PRKCQ: variants seen among roughly 807,000 people sequenced by gnomAD.
The protein encoded by PRKCQ is protein kinase C theta type.
In PRKCQ, 41 loss-of-function variants were observed where a neutral mutation model predicts 91.2. That is an observed-to-expected ratio of 0.45 (90% CI 0.35 to 0.58). The LOEUF is 0.58. PRKCQ is among the 20% of genes least tolerant of loss of function. The pLI, the probability that PRKCQ is intolerant of heterozygous loss-of-function variation, is 0.00. For synonymous variants in PRKCQ, 307 were observed against 316.9 expected (o/e 0.97, Z 0.33); for missense variants, 673 against 896.5 (o/e 0.75, Z 3.18).
chr10:6,543,351 G>T (rs948411520), intron 1 of PRKCQ, among the ~76,000 whole-genome samples: 1 of 152,192 alleles, frequency 6.6e-6, no homozygotes, highest in Non-Finnish European at 1.5e-5. Flanking sequence ...GCGCAGTCTG[G>T]TCTCTTTCAG....
At chr10:6,418,336 A>C in the PRKCQ span, among the ~76,000 whole-genome samples, 1 of 152,224 alleles carries the variant, frequency 6.6e-6, no homozygotes, top group Non-Finnish European at 1.5e-5. Flanking sequence ...GCTGATAGGC[A>C]GGGCTTAGGA....
chr10:6,512,845 G>GAAT (rs1838551110), intron 2 of PRKCQ, among the ~76,000 whole-genome samples: 1 of 152,096 alleles, frequency 6.6e-6, no homozygotes, highest in Non-Finnish European at 1.5e-5. Flanking sequence ...ACTAAACGTG[G>GAAT]AATAGAAAGG....
chr10:6,559,897 G>A (rs887022757), intron 1 of PRKCQ, among the ~76,000 whole-genome samples: 2 of 152,082 alleles, frequency 1.3e-5, no homozygotes, highest in Non-Finnish European at 2.9e-5. Flanking sequence ...ATTTCGTTAC[G>A]TACACAGAAT....
chr10:6,520,354 G>T (rs1044944418), intron 1 of PRKCQ, among the ~76,000 whole-genome samples: 2 of 151,852 alleles, frequency 1.3e-5, no homozygotes, highest in African/African-American at 2.4e-5. Context: ...CTGCTCCACC[G>T]ATTCTGCACC....
chr10:6,427,342 T>C lies in PRKCQ; in HGVS notation c.*865A>G, dbSNP rs1039386288. 1 of 152,156 alleles carries C rather than the reference T, an allele frequency of 6.6e-6. No individual in the cohort carries two copies. The highest frequency in any genetic ancestry group is 1.5e-5 in the Non-Finnish European group (1 of 68,028). The allele number at this position is 152,156 out of a possible 1,614,324, so 9.4% of individuals were successfully genotyped here. A position where few individuals can be genotyped will look rare whatever the true frequency, so the allele number is the denominator to read the frequency against. On this transcript the variant is annotated 3_prime_UTR_variant, in exon 18 of 18. Coordinates refer to ENST00000263125, the MANE Select transcript of PRKCQ (RefSeq NM_006257.5). ...TGCCTACGGAGGGGCTTATGAGTCA[T>C]GAAATCACCAGTCATGGCACGAGAA...
chr10:6,397,053 G>A, the PRKCQ span, among the ~76,000 whole-genome samples: 2 of 151,954 alleles, frequency 1.3e-5, no homozygotes, highest in Admixed American at 6.5e-5. Flanking sequence ...CTTTGTATGT[G>A]TTTAATGGCC....
intron 11 of PRKCQ, among the ~76,000 whole-genome samples, chr10:6,479,767 T>TAAA (rs34610362): frequency 0.13 from 4,909 of 38,922 alleles, 470 homozygotes; most frequent in East Asian, 0.15. Flanking sequence ...CCGTCTCGAC[T>TAAA]AAAAAAAAAA....
intron 1 of PRKCQ, among the ~76,000 whole-genome samples, chr10:6,563,261 C>G (rs1272002851): frequency 6.6e-6 from 1 of 152,064 alleles, no homozygotes; most frequent in Non-Finnish European, 1.5e-5. Flanking sequence ...TTGCCCAGTG[C>G]CTCTCCTCCT....
intron 4 of PRKCQ, among the ~76,000 whole-genome samples, chr10:6,500,880 AGACGT>A (rs1160656573): frequency 5.3e-5 from 8 of 152,184 alleles, no homozygotes; most frequent in Non-Finnish European, 1.0e-4. Flanking sequence ...CAAGTCAGGG[AGACGT>A]GGCACAGGCA....
intron 7 of PRKCQ, among the ~76,000 whole-genome samples, chr10:6,495,364 AT>A (rs941215872): frequency 1.3e-5 from 2 of 152,064 alleles, no homozygotes; most frequent in African/African-American, 4.8e-5. Context: ...CACTGGTCCC[AT>A]TTCAGTTCCT....
rs2130988152 is a variant in PRKCQ at position 6,576,788 on chromosome 10, G to C, written c.-10+3423C>G. On this transcript the variant is annotated intron_variant, in intron 1 of 17. Transcript: ENST00000263125. This position sits in a 1 kb window ranked among gnomAD's most constrained non-coding sequence, Gnocchi z 4.2. ...GTTTAAAGCAAATGCTTGATGGTTA[G>C]ACTAATCTGGATGGTCCAACTAACC... Among the ~76,000 whole-genome samples the C allele has an allele frequency of 6.6e-6, 1 of 152,282 alleles. No individual in the cohort carries two copies. The highest frequency in any genetic ancestry group is 2.1e-4 in the South Asian group (1 of 4,822).
At chr10:6,573,909 G>A (rs1032201499) in intron 1 of PRKCQ, among the ~76,000 whole-genome samples, 2 of 152,192 alleles carry the variant, frequency 1.3e-5, no homozygotes, top group African/African-American at 4.8e-5. Flanking sequence ...TTGAGCCCAG[G>A]AGTTAGAGAC....
At chr10:6,485,128 T>TA (rs1227098633) in intron 10 of PRKCQ, 24 bp downstream of exon 10, 2 of 1,581,664 alleles carry the variant, frequency 1.3e-6, no homozygotes, top group Non-Finnish European at 1.7e-6. Flanking sequence ...TGACAGTGAT[T>TA]AGACTGCTGA....
chr10:6,548,872 T>C (rs1384967649), intron 1 of PRKCQ, among the ~76,000 whole-genome samples: 1 of 152,088 alleles, frequency 6.6e-6, no homozygotes, highest in Non-Finnish European at 1.5e-5. Context: ...CCCTAAAACT[T>C]AAAGTATAAT....
At chr10:6,533,620 C>A (rs1054999375) in intron 1 of PRKCQ, among the ~76,000 whole-genome samples, 15 of 152,082 alleles carry the variant, frequency 9.9e-5, no homozygotes, top group African/African-American at 3.6e-4. Context: ...CTTCTCCCAG[C>A]CCTAATAGGT....
chr10:6,457,662 A>G (rs1564314456), intron 14 of PRKCQ, among the ~76,000 whole-genome samples: 1 of 152,274 alleles, frequency 6.6e-6, no homozygotes, highest in East Asian at 1.9e-4. Flanking sequence ...TTGGCTCAGA[A>G]TGAAGCCAGA....
At chr10:6,487,607 G>A (rs1837000287) in intron 8 of PRKCQ, among the ~76,000 whole-genome samples, 1 of 152,196 alleles carries the variant, frequency 6.6e-6, no homozygotes, top group Non-Finnish European at 1.5e-5. Context: ...TCCATTGCCA[G>A]TGACCAAGAG....
chr10:6,560,804 C>T (rs1452546423), intron 1 of PRKCQ, among the ~76,000 whole-genome samples: 1 of 152,102 alleles, frequency 6.6e-6, no homozygotes, highest in Non-Finnish European at 1.5e-5. Flanking sequence ...CTTTGGGAGG[C>T]CGAGGCGGGT....
chr10:6,498,458 G>A lies in PRKCQ; in HGVS notation c.480C>T (p.His160=), dbSNP rs753351958. 14 of 1,614,110 alleles carry A rather than the reference G, an allele frequency of 8.7e-6. No homozygotes were observed. Among genetic ancestry groups the A allele is most frequent in the African/African-American group, 4.0e-5 (3 of 74,946 alleles). Reference sequence around the variant, plus strand: ...GTGGGAAGAAGGTGGCAGTGAACTCGTGGCACTTGACGTGGTGGACCTTTG... The same window carrying A: ...GTGGGAAGAAGGTGGCAGTGAACTCATGGCACTTGACGTGGTGGACCTTTG... ...KQAKVHHVKC[H]EFTATFFPQP... The change falls in exon 5 of 18, where the codon CAC becomes CAT. Residue 160 remains histidine, a synonymous_variant. Transcript: ENST00000263125.
Sources: gnomAD v4.1 joint callset for allele counts (sites outside exome capture counted in the v4.1 genomes callset) on GRCh38, gnomAD v4.1.1 for gene constraint, Gnocchi (gnomAD v3.1) non-coding constraint, MANE v1.5 for transcripts, NCBI Gene and HGNC (gene_info 2026-07-23, HGNC 2026-07-21) for gene names.